CCDC171: variants seen among roughly 807,000 people sequenced by gnomAD.
The protein encoded by CCDC171 is coiled-coil domain containing 171.
CCDC171 carries 177 observed loss-of-function variants against 168.2 expected under a neutral mutation model. That is an observed-to-expected ratio of 1.05 (90% CI 0.93 to 1.19). The LOEUF (loss-of-function observed/expected upper bound fraction) is 1.19. Ranked by LOEUF, CCDC171 falls within the 50% of genes most tolerant of loss-of-function variation. The pLI is 0.00. For missense variants in CCDC171, 1,991 were observed against 1,539.0 expected (o/e 1.29, Z -4.91); for synonymous variants, 687 against 540.8 (o/e 1.27, Z -3.75).
intron 11 of CCDC171, among the ~76,000 whole-genome samples, chr9:15,706,730 A>T (rs1202856168): frequency 1.3e-5 from 2 of 152,150 alleles, no homozygotes; most frequent in Non-Finnish European, 2.9e-5. Flanking sequence ...GAATTTTTTT[A>T]GGGTGGTTGA....
intron 21 of CCDC171, among the ~76,000 whole-genome samples, chr9:15,812,224 T>C (rs2059386130): frequency 6.6e-6 from 1 of 152,218 alleles, no homozygotes; most frequent in South Asian, 2.1e-4. Context: ...GGCATAGCTT[T>C]CTTATTCAAA....
the CCDC171 span, among the ~76,000 whole-genome samples, chr9:16,081,927 A>C: frequency 6.6e-6 from 1 of 152,070 alleles, no homozygotes. Flanking sequence ...CTAATATTTT[A>C]TTCCTGATAT....
At chr9:15,801,302 A>G (rs996819892) in intron 21 of CCDC171, among the ~76,000 whole-genome samples, 1 of 151,862 alleles carries the variant, frequency 6.6e-6, no homozygotes, top group African/African-American at 2.4e-5. Context: ...TCATTGTTTT[A>G]TAGTTTTCAT....
intron 9 of CCDC171, among the ~76,000 whole-genome samples, chr9:15,678,554 A>G (rs1284574335): frequency 6.6e-6 from 1 of 152,156 alleles, no homozygotes; most frequent in South Asian, 2.1e-4. Flanking sequence ...ACAAATACCT[A>G]CTATCAAAGG....
At chr9:15,614,834 T>C (rs2043965613) in intron 6 of CCDC171, among the ~76,000 whole-genome samples, 1 of 152,202 alleles carries the variant, frequency 6.6e-6, no homozygotes, top group South Asian at 2.1e-4. Flanking sequence ...ATTGTTTGGC[T>C]AGATATAATC....
intron 25 of CCDC171, among the ~76,000 whole-genome samples, chr9:15,958,328 G>A (rs1444825978): frequency 1.3e-5 from 2 of 152,052 alleles, no homozygotes; most frequent in Admixed American, 6.6e-5. Context: ...CACTTGGAAT[G>A]TGGTTAGTGT....
chr9:15,612,838 C>T (rs1057457996), intron 6 of CCDC171, among the ~76,000 whole-genome samples: 7 of 152,066 alleles, frequency 4.6e-5, no homozygotes, highest in African/African-American at 7.2e-5. Flanking sequence ...ACCTGTCTTA[C>T]TAGTTTGTTT....
intron 23 of CCDC171, among the ~76,000 whole-genome samples, chr9:15,872,846 CA>C (rs992683134): frequency 2.0e-5 from 3 of 150,484 alleles, no homozygotes; most frequent in South Asian, 2.1e-4. Context: ...ACATTGGTGA[CA>C]AAAAAAAGCA....
intron 10 of CCDC171, among the ~76,000 whole-genome samples, chr9:15,691,969 C>T (rs973489100): frequency 1.3e-5 from 2 of 152,168 alleles, no homozygotes; most frequent in Non-Finnish European, 1.5e-5. Flanking sequence ...CCATTGCACC[C>T]AGCCTTTCAC....
intron 1 of CCDC171, among the ~76,000 whole-genome samples, chr9:16,055,441 C>T (rs758529263): frequency 2.6e-5 from 4 of 151,870 alleles, no homozygotes; most frequent in Non-Finnish European, 2.9e-5. Flanking sequence ...AAGAGGAGAC[C>T]GGTGTAGTAG....
intron 10 of CCDC171, among the ~76,000 whole-genome samples, chr9:15,687,672 C>G (rs566947816): frequency 6.6e-6 from 1 of 152,024 alleles, no homozygotes; most frequent in Admixed American, 6.6e-5. Context: ...ATTCAAATTA[C>G]TGAAATCATG....
At chr9:15,798,123 T>G (rs2058648866) in intron 21 of CCDC171, among the ~76,000 whole-genome samples, 1 of 152,146 alleles carries the variant, frequency 6.6e-6, no homozygotes, top group Non-Finnish European at 1.5e-5. Flanking sequence ...GGAACTGTAT[T>G]TGCTATTTGG....
chr9:15,871,389 A>G (rs1261331631), intron 23 of CCDC171, among the ~76,000 whole-genome samples: 1 of 151,900 alleles, frequency 6.6e-6, no homozygotes, highest in Non-Finnish European at 1.5e-5. Flanking sequence ...TTGAAATTAT[A>G]ATTTAATCTA....
intron 7 of CCDC171, 152 bp downstream of exon 7, chr9:15,623,565 C>T: frequency 2.3e-6 from 1 of 440,422 alleles, no homozygotes; most frequent in Non-Finnish European, 3.8e-6. Context: ...ATATATAAAA[C>T]TAATTTTAGG....
chr9:16,008,375 C>G (rs1165232992), intron 3 of CCDC171, among the ~76,000 whole-genome samples: 1 of 152,020 alleles, frequency 6.6e-6, no homozygotes, highest in African/African-American at 2.4e-5. Context: ...TACTAGGTTT[C>G]TTCTTAAGAT....
intron 8 of CCDC171, among the ~76,000 whole-genome samples, chr9:15,664,469 A>T (rs1005418407): frequency 6.6e-6 from 1 of 150,882 alleles, no homozygotes; most frequent in African/African-American, 2.4e-5. Flanking sequence ...GGCTGGTCTC[A>T]ATCTCTTGAG....
chr9:15,870,246 A>G (rs1050102221), intron 23 of CCDC171, among the ~76,000 whole-genome samples: 28 of 151,970 alleles, frequency 1.8e-4, no homozygotes, highest in African/African-American at 5.8e-4. Flanking sequence ...AATAAAAGGA[A>G]GAAAGGGAAG....
At chr9:15,662,757 T>A (rs529244461) in intron 8 of CCDC171, among the ~76,000 whole-genome samples, 1 of 151,772 alleles carries the variant, frequency 6.6e-6, no homozygotes, top group Non-Finnish European at 1.5e-5. Flanking sequence ...GGGCAAATCA[T>A]TGGAGGTCAG....
the CCDC171 span, among the ~76,000 whole-genome samples, chr9:16,069,431 G>A: frequency 6.6e-5 from 10 of 152,352 alleles, no homozygotes; most frequent in East Asian, 1.4e-3. Flanking sequence ...GCGTGTGCAC[G>A]TGTGTGTGCG....
Sources: gnomAD v4.1 joint callset for allele counts (sites outside exome capture counted in the v4.1 genomes callset) on GRCh38, gnomAD v4.1.1 for gene constraint, MANE v1.5 for transcripts, NCBI Gene and HGNC (gene_info 2026-07-23, HGNC 2026-07-21) for gene names.